SNRPD3: variants seen among roughly 807,000 people sequenced by gnomAD.
SNRPD3 encodes the protein small nuclear ribonucleoprotein Sm D3.
For synonymous variants in SNRPD3, 66 were observed against 58.4 expected, an observed-to-expected ratio of 1.13 and a Z score of -0.59; for missense variants, 73 against 167.5, an observed-to-expected ratio of 0.44 and a Z score of 3.11.
chr22:24,563,307 T>TA (rs200553209), intron 2 of SNRPD3, among the ~76,000 whole-genome samples: 2,631 of 59,692 alleles, frequency 0.044, 31 homozygotes, highest in African/African-American at 0.13. Context: ...TATATATATA[T>TA]TTTTTTTTTT....
chr22:24,564,178 T>G (rs1169912187), intron 2 of SNRPD3, among the ~76,000 whole-genome samples: 2 of 152,194 alleles, frequency 1.3e-5, no homozygotes, highest in Admixed American at 6.5e-5. Flanking sequence ...TTTGTGTATG[T>G]GTGAAATTGT....
chr22:24,573,521 C>A lies in SNRPD3; in HGVS notation c.*1544C>A, dbSNP rs949320319. Among the ~76,000 whole-genome samples, 5 of 152,202 alleles carry A rather than the reference C, an allele frequency of 3.3e-5. No homozygotes were observed. The highest frequency in any genetic ancestry group is 9.7e-5 in the African/African-American group (4 of 41,442). ...GTCTTATGATACTACCTGGAGGTTA[C>A]AGAGCTGGTATTCTGAGGAATAAGC... is the stretch of plus-strand genomic sequence containing the variant. On this transcript the variant is annotated 3_prime_UTR_variant, in exon 4 of 4. Coordinates refer to ENST00000215829, the MANE Select transcript of SNRPD3 (RefSeq NM_004175.5).
chr22:24,559,811 A>G (rs1346617668), intron 2 of SNRPD3, among the ~76,000 whole-genome samples: 1 of 152,164 alleles, frequency 6.6e-6, no homozygotes, highest in Non-Finnish European at 1.5e-5. Context: ...AAAGTTTCAC[A>G]GACTGGGCAG....
intron 2 of SNRPD3, among the ~76,000 whole-genome samples, chr22:24,564,854 G>A (rs921677634): frequency 1.3e-5 from 2 of 151,120 alleles, no homozygotes; most frequent in Non-Finnish European, 2.9e-5. Flanking sequence ...AGGCAATAGA[G>A]ACAGCATTTA....
chr22:24,561,499 A>G (rs904958652), intron 2 of SNRPD3, among the ~76,000 whole-genome samples: 9 of 152,202 alleles, frequency 5.9e-5, no homozygotes, highest in Admixed American at 1.3e-4. Context: ...CACTGGGTCT[A>G]TCAAAACCTA....
At chr22:24,571,798 T>G (rs1601572959) in intron 3 of SNRPD3, 118 bp from the exon 4 acceptor site, 5 of 918,964 alleles carry the variant, frequency 5.4e-6, no homozygotes, top group East Asian at 2.6e-5. Context: ...CAGGGTGGTG[T>G]TGGACCAGGT....
intron 2 of SNRPD3, among the ~76,000 whole-genome samples, chr22:24,558,937 C>T (rs932395056): frequency 2.0e-5 from 3 of 152,152 alleles, no homozygotes; most frequent in African/African-American, 7.2e-5. Context: ...AGCCTGTTCT[C>T]TTTTGAAGGG....
chr22:24,567,680 A>C (rs1444969177), intron 2 of SNRPD3, among the ~76,000 whole-genome samples: 2 of 152,014 alleles, frequency 1.3e-5, no homozygotes, highest in Non-Finnish European at 2.9e-5. Context: ...CGGGAGGCAG[A>C]GGTCACGGTT....
intron 2 of SNRPD3, among the ~76,000 whole-genome samples, chr22:24,561,625 C>G (rs563161839): frequency 6.6e-6 from 1 of 152,218 alleles, no homozygotes; most frequent in African/African-American, 2.4e-5. Flanking sequence ...GCCTGTCCTT[C>G]CCAGATCCAG....
At chr22:24,557,873 G>A in intron 2 of SNRPD3, 73 bp downstream of exon 2, 7 of 1,449,358 alleles carry the variant, frequency 4.8e-6, no homozygotes, top group Non-Finnish European at 6.5e-6. Context: ...AGTGTGTGTT[G>A]AGGGTCTCTG....
intron 3 of SNRPD3, among the ~76,000 whole-genome samples, chr22:24,571,597 G>A (rs1037407611): frequency 6.6e-6 from 1 of 152,026 alleles, no homozygotes; most frequent in Non-Finnish European, 1.5e-5. Flanking sequence ...GAAATTAGCC[G>A]GGCGTTGTGG....
intron 2 of SNRPD3, among the ~76,000 whole-genome samples, chr22:24,562,387 AC>A (rs1314987574): frequency 6.6e-6 from 1 of 152,116 alleles, no homozygotes; most frequent in Non-Finnish European, 1.5e-5. Context: ...TAAAAAAAAT[AC>A]AAAAAATTAG....
chr22:24,556,002 C>G lies in SNRPD3; in HGVS notation c.-88C>G, dbSNP rs1001385860. On this transcript the variant is annotated 5_prime_UTR_variant, in exon 1 of 4. Transcript: ENST00000215829. ...AATTCTGGGTGTTAGGCCCGCCATT[C>G]GCTTGACTCACGCCTTCGCCGTAGC... 4.6e-6 allele frequency: 3 copies of G among 658,902 alleles called. No homozygotes were observed. In the Admixed American group the frequency reaches 8.4e-5, roughly 18 times the overall value. The allele number at this position is 658,902 out of a possible 1,614,324, so 40.8% of individuals were successfully genotyped here.
At chr22:24,565,296 G>A (rs1433527421) in intron 2 of SNRPD3, among the ~76,000 whole-genome samples, 1 of 152,108 alleles carries the variant, frequency 6.6e-6, no homozygotes, top group Admixed American at 6.6e-5. Context: ...ACCTCAAGCA[G>A]GAGAATAGAG....
At position 24,557,642 on chromosome 22, in the gene SNRPD3, T is replaced by G. The variant is rs778913512; in HGVS notation, c.-18-15T>G. ...ACTCTGAAAGATGAACTGACTGTTG[T>G]CTCTCTCATTGTAGAACTCTCTTCC... On this transcript the variant is annotated splice_polypyrimidine_tract_variant and intron_variant, in intron 1 of 3. Coordinates refer to ENST00000215829, the MANE Select transcript of SNRPD3 (RefSeq NM_004175.5). The G allele has an allele frequency of 6.2e-7, 1 of 1,601,680 alleles. No homozygotes were observed. Among genetic ancestry groups the G allele is most frequent in the South Asian group, 1.1e-5 (1 of 89,900 alleles).
chr22:24,567,928 C>A, intron 2 of SNRPD3, 56 bp from the exon 3 acceptor site: 1 of 1,413,416 alleles, frequency 7.1e-7, no homozygotes, highest in Non-Finnish European at 9.7e-7. Context: ...AGTCAAGGCC[C>A]TCCCCACCGC....
At chr22:24,559,732 T>C (rs713672) in intron 2 of SNRPD3, among the ~76,000 whole-genome samples, 110,865 of 151,930 alleles carry the variant, frequency 0.73, 42,264 homozygotes, top group East Asian at 0.85. Flanking sequence ...GAAGGAACCA[T>C]GCCTGACCAA....
At chr22:24,559,266 A>C (rs189132910) in intron 2 of SNRPD3, among the ~76,000 whole-genome samples, 41 of 152,314 alleles carry the variant, frequency 2.7e-4, no homozygotes, top group African/African-American at 8.9e-4. Context: ...GCAGAGAAGT[A>C]GACCTCTGGT....
At chr22:24,559,038 C>T (rs751113091) in intron 2 of SNRPD3, among the ~76,000 whole-genome samples, 28 of 152,286 alleles carry the variant, frequency 1.8e-4, no homozygotes, top group Admixed American at 2.6e-4. Flanking sequence ...GTATGTGTGC[C>T]ATAGCTGCTC....
Sources: gnomAD v4.1 joint callset for allele counts (sites outside exome capture counted in the v4.1 genomes callset) on GRCh38, gnomAD v4.1.1 for gene constraint, MANE v1.5 for transcripts, NCBI Gene and HGNC (gene_info 2026-07-23, HGNC 2026-07-21) for gene names.